CPED1: variants seen among roughly 807,000 people sequenced by gnomAD.
CPED1 encodes the protein cadherin-like and PC-esterase domain-containing protein 1.
A neutral mutation model predicts 128.2 loss-of-function variants in CPED1; 114 were observed. The ratio of observed to expected loss-of-function variants is 0.89; its 90% CI spans 0.76 to 1.04. The LOEUF is 1.04. Among genes scored for constraint, CPED1 ranks in the 50% least tolerant of loss-of-function variants. The probability of loss-of-function intolerance (pLI) is 0.00; values close to 1 mark genes in which losing one functional copy is unlikely to be tolerated. For missense variants in CPED1, 1,211 were observed against 1,207.1 expected (o/e 1.00, Z -0.05); for synonymous variants, 462 against 426.7 (o/e 1.08, Z -1.02).
intron 4 of CPED1, among the ~76,000 whole-genome samples, chr7:121,049,625 G>A (rs1427482952): frequency 6.6e-6 from 1 of 152,202 alleles, no homozygotes; most frequent in Non-Finnish European, 1.5e-5. Flanking sequence ...TTTTGTGAGT[G>A]GCTTTTGCCT....
rs564044454 is a variant in CPED1 at position 121,041,090 on chromosome 7, A to G, written c.434-5797A>G. Among the ~76,000 whole-genome samples the G allele has an allele frequency of 4.6e-5, 7 of 152,162 alleles. No homozygotes were observed. The South Asian group carries it at 1.5e-3, about 32-fold the overall frequency. Reference sequence around the variant, plus strand: ...TCCTTACCAGCTAAGAACCAAAATTATATTTATTTCCTCTTTAAAAAACTA... The same window carrying G: ...TCCTTACCAGCTAAGAACCAAAATTGTATTTATTTCCTCTTTAAAAAACTA... On this transcript the variant is annotated intron_variant, in intron 3 of 22. Coordinates refer to ENST00000310396, the MANE Select transcript of CPED1 (RefSeq NM_024913.5).
chr7:121,219,613 A>G (rs66520565), intron 16 of CPED1, among the ~76,000 whole-genome samples: 14,474 of 151,990 alleles, frequency 0.095, 856 homozygotes, highest in South Asian at 0.17. Flanking sequence ...TCACAGTATA[A>G]TGAATAGCCA....
At chr7:121,153,126 T>A (rs1301155752) in intron 16 of CPED1, among the ~76,000 whole-genome samples, 2 of 152,196 alleles carry the variant, frequency 1.3e-5, no homozygotes, top group Admixed American at 1.3e-4. Context: ...TTCTCTCTGC[T>A]GTTTTAATAA....
intron 16 of CPED1, among the ~76,000 whole-genome samples, chr7:121,200,293 A>G (rs1308441616): frequency 9.2e-5 from 14 of 152,152 alleles, no homozygotes; most frequent in African/African-American, 3.4e-4. Flanking sequence ...TCTGGGTTAA[A>G]GAAATTTTCT....
At chr7:120,996,288 A>G (rs1481718198) in intron 2 of CPED1, among the ~76,000 whole-genome samples, 1 of 152,126 alleles carries the variant, frequency 6.6e-6, no homozygotes, top group Non-Finnish European at 1.5e-5. Flanking sequence ...TGTCTCAAAA[A>G]AAAAAGAAAA....
At chr7:121,116,630 G>A (rs891923678) in intron 7 of CPED1, among the ~76,000 whole-genome samples, 1 of 152,024 alleles carries the variant, frequency 6.6e-6, no homozygotes, top group Non-Finnish European at 1.5e-5. Flanking sequence ...TCATTCTTCT[G>A]GATTTCAGGG....
chr7:121,063,428 C>G (rs1299526482), intron 4 of CPED1, among the ~76,000 whole-genome samples: 1 of 138,596 alleles, frequency 7.2e-6, no homozygotes, highest in African/African-American at 2.7e-5. Flanking sequence ...CTTAAGTGCC[C>G]GAAGCGAGCT....
chr7:121,114,005 A>G (rs1795175472), intron 7 of CPED1, among the ~76,000 whole-genome samples: 1 of 151,584 alleles, frequency 6.6e-6, no homozygotes, highest in Non-Finnish European at 1.5e-5. Flanking sequence ...AGTTTTTTGT[A>G]TTTTTTTGTA....
At chr7:121,002,942 C>G (rs1791902608) in intron 2 of CPED1, among the ~76,000 whole-genome samples, 1 of 152,158 alleles carries the variant, frequency 6.6e-6, no homozygotes, top group South Asian at 2.1e-4. Context: ...TGTAACCATA[C>G]CCTGTGACAT....
Position 121,074,509 on chromosome 7 carries a change from G to GTTTTTTTTTTTTTTTT in CPED1, c.616+10199_616+10214dup, listed in dbSNP as rs1157885862. Among the ~76,000 whole-genome samples, 52 of 80,828 alleles carry GTTTTTTTTTTTTTTTT rather than the reference G, an allele frequency of 6.4e-4. 5 individuals are homozygous for GTTTTTTTTTTTTTTTT. The highest frequency in any genetic ancestry group is 2.0e-3 in the African/African-American group (44 of 22,012). The allele number at this position is 80,828 out of a possible 152,430, so 53.0% of individuals were successfully genotyped here. A position where few individuals can be genotyped will look rare whatever the true frequency, so the allele number is the denominator to read the frequency against. On this transcript the variant is annotated intron_variant, in intron 5 of 22. Transcript: ENST00000310396. Reference sequence around the variant, plus strand: ...TTCCTTACTAATAAATTTCCTTTGTGTTTTTTTTTTTTTTTTTTGAGGGCA... The same window carrying GTTTTTTTTTTTTTTTT: ...TTCCTTACTAATAAATTTCCTTTGTGTTTTTTTTTTTTTTTTTTTTTTTTTTTTTTTTTTGAGGGCA...
chr7:121,202,628 A>G (rs1797423643), intron 16 of CPED1, among the ~76,000 whole-genome samples: 1 of 152,140 alleles, frequency 6.6e-6, no homozygotes, highest in Admixed American at 6.6e-5. Flanking sequence ...CCCTCCCAGT[A>G]AATGAAGCAA....
intron 12 of CPED1, 43 bp from the exon 13 acceptor site, chr7:121,133,780 G>A: frequency 7.5e-7 from 1 of 1,328,394 alleles, no homozygotes; most frequent in African/African-American, 1.5e-5. Flanking sequence ...CACGCGTTTT[G>A]TTCATTTCAT....
At position 121,124,452 on chromosome 7, in the gene CPED1, T is replaced by A. The variant is rs1365570809; in HGVS notation, c.1040T>A (p.Leu347Gln). 3 of 1,564,028 alleles carry A rather than the reference T, an allele frequency of 1.9e-6. No homozygotes were observed. The highest frequency in any genetic ancestry group is 2.6e-6 in the Non-Finnish European group (3 of 1,154,528). The change falls in exon 8 of 23, where the codon CTG becomes CAG. Residue 347 changes from leucine (L) to glutamine (Q), a missense_variant. Physicochemically the swap from Leu to Gln is moderately radical, Grantham distance 113. Transcript: ENST00000310396. ...AAEVFSETSTLGPKTFHRCRF... is the reference protein window; with the variant it reads ...AAEVFSETSTQGPKTFHRCRF... ...GAAGTATTCAGTGAAACATCTACTC[T>A]GGGACCAAAGACCTTCCATAGGTAA...
chr7:121,042,797 G>C (rs761136305), intron 3 of CPED1, among the ~76,000 whole-genome samples: 2 of 152,190 alleles, frequency 1.3e-5, no homozygotes, highest in Non-Finnish European at 2.9e-5. Context: ...ACTATTAGCT[G>C]TTCACATCAT....
chr7:121,221,696 G>T (rs954680120), intron 16 of CPED1, among the ~76,000 whole-genome samples: 1 of 152,138 alleles, frequency 6.6e-6, no homozygotes, highest in African/African-American at 2.4e-5. Flanking sequence ...GTTTTGATTT[G>T]CATTTCTCTG....
intron 16 of CPED1, among the ~76,000 whole-genome samples, chr7:121,188,614 C>A (rs563706000): frequency 6.6e-6 from 1 of 151,890 alleles, no homozygotes; most frequent in African/African-American, 2.4e-5. Flanking sequence ...CAAAACTGAG[C>A]CTTGAGGATC....
chr7:120,997,931 AT>A (rs1349996833), intron 2 of CPED1, among the ~76,000 whole-genome samples: 4,156 of 13,460 alleles, frequency 0.31, 272 homozygotes, highest in African/African-American at 0.4. Flanking sequence ...TCGAAAAAAA[AT>A]AAAATAAAAT....
chr7:121,171,233 C>G (rs1445625811), intron 16 of CPED1, among the ~76,000 whole-genome samples: 1 of 152,122 alleles, frequency 6.6e-6, no homozygotes, highest in African/African-American at 2.4e-5. Flanking sequence ...TAGAATGTCT[C>G]TATGCCAAAA....
At chr7:121,123,683 C>T (rs1795438367) in intron 7 of CPED1, among the ~76,000 whole-genome samples, 1 of 152,036 alleles carries the variant, frequency 6.6e-6, no homozygotes, top group South Asian at 2.1e-4. Context: ...GAGCTTCATT[C>T]CCCCTTTTTT....
Sources: gnomAD v4.1 joint callset for allele counts (sites outside exome capture counted in the v4.1 genomes callset) on GRCh38, gnomAD v4.1.1 for gene constraint, MANE v1.5 for transcripts, NCBI Gene and HGNC (gene_info 2026-07-23, HGNC 2026-07-21) for gene names.